Variants in ERBIN observed in about 807,000 individuals in gnomAD.
ERBIN encodes densin-180-like protein.
A neutral mutation model predicts 158.4 loss-of-function variants in ERBIN; 60 were observed. The observed-to-expected ratio is 0.38, with a 90% CI of 0.31 to 0.47. The LOEUF (loss-of-function observed/expected upper bound fraction) is 0.47. Among genes scored for constraint, ERBIN ranks in the 20% least tolerant of loss-of-function variants. ERBIN has a pLI of 0.99. For synonymous variants in ERBIN, 594 were observed against 557.2 expected, an observed-to-expected ratio of 1.07 and a Z score of -0.93; for missense variants, 1,610 against 1,648.0, an observed-to-expected ratio of 0.98 and a Z score of 0.40.
intron 1 of ERBIN, among the ~76,000 whole-genome samples, chr5:65,978,738 C>T (rs929200541): frequency 2.0e-5 from 3 of 152,148 alleles, no homozygotes; most frequent in Non-Finnish European, 4.4e-5. Context: ...AGGCAAAAAT[C>T]AAATAATTAA....
At chr5:65,992,217 T>A (rs1336540687) in intron 2 of ERBIN, among the ~76,000 whole-genome samples, 1 of 152,068 alleles carries the variant, frequency 6.6e-6, no homozygotes, top group Non-Finnish European at 1.5e-5. Flanking sequence ...TGGCGCGATC[T>A]CGGCTCACTG....
At chr5:65,936,215 G>A (rs2150856619) in intron 1 of ERBIN, among the ~76,000 whole-genome samples, 1 of 152,218 alleles carries the variant, frequency 6.6e-6, no homozygotes, top group Admixed American at 6.5e-5. Context: ...CAAGAAACTA[G>A]TGATCTAAAA....
chr5:65,947,199 A>G (rs1745872436), intron 1 of ERBIN, among the ~76,000 whole-genome samples: 2 of 151,870 alleles, frequency 1.3e-5, no homozygotes. Flanking sequence ...TCCCTTATGC[A>G]TTTTTCTGAA....
intron 22 of ERBIN, among the ~76,000 whole-genome samples, chr5:66,073,883 T>TTTG (rs1034165096): frequency 7.2e-5 from 11 of 152,074 alleles, no homozygotes; most frequent in Middle Eastern, 3.4e-3. Flanking sequence ...TAACCTCTTT[T>TTTG]TTGTTGTTGT....
intron 4 of ERBIN, among the ~76,000 whole-genome samples, chr5:65,995,846 A>G (rs1251656525): frequency 1.3e-5 from 2 of 152,028 alleles, no homozygotes; most frequent in African/African-American, 2.4e-5. Flanking sequence ...TTTAATTTGC[A>G]TTTCTCTGGT....
At chr5:66,071,118 C>T (rs1044664365) in intron 21 of ERBIN, among the ~76,000 whole-genome samples, 1 of 152,114 alleles carries the variant, frequency 6.6e-6, no homozygotes, top group Non-Finnish European at 1.5e-5. Context: ...CTTTGGGAGG[C>T]CGAGGCAGGA....
intron 1 of ERBIN, among the ~76,000 whole-genome samples, chr5:65,943,614 CA>C (rs1387680465): frequency 6.6e-6 from 1 of 152,182 alleles, no homozygotes; most frequent in Non-Finnish European, 1.5e-5. Flanking sequence ...ACTCAAGTAC[CA>C]TTATTTCCAC....
intron 4 of ERBIN, among the ~76,000 whole-genome samples, chr5:66,007,020 C>A (rs1753675850): frequency 6.7e-6 from 1 of 148,674 alleles, no homozygotes; most frequent in African/African-American, 2.6e-5. Flanking sequence ...ACCATTTGAC[C>A]CAGCAATCCC....
chr5:65,988,209 A>G (rs1471472940), intron 1 of ERBIN, among the ~76,000 whole-genome samples: 4 of 150,956 alleles, frequency 2.6e-5, no homozygotes. Context: ...TGTCTCTAAA[A>G]AAGTTTTTTT....
intron 1 of ERBIN, among the ~76,000 whole-genome samples, chr5:65,951,547 T>TC (rs1746503058): frequency 6.6e-6 from 1 of 152,206 alleles, no homozygotes; most frequent in Non-Finnish European, 1.5e-5. Context: ...AGTAGTAAAT[T>TC]CAGTAGGCTT....
intron 25 of ERBIN, 50 bp from the exon 26 acceptor site, chr5:66,078,373 A>G (rs750224963): frequency 6.8e-6 from 8 of 1,183,346 alleles, no homozygotes; most frequent in African/African-American, 6.4e-5. Context: ...GCAGAAATGC[A>G]AATAAATAAC....
intron 1 of ERBIN, among the ~76,000 whole-genome samples, chr5:65,987,539 G>GT (rs1751397399): frequency 6.6e-6 from 1 of 152,084 alleles, no homozygotes; most frequent in Admixed American, 6.5e-5. Context: ...TCCAGCCTGG[G>GT]TGACAGAGCA....
chr5:65,963,054 AT>A (rs1748092274), intron 1 of ERBIN, among the ~76,000 whole-genome samples: 2 of 152,216 alleles, frequency 1.3e-5, no homozygotes, highest in East Asian at 3.8e-4. Flanking sequence ...TCAGGTCATA[AT>A]TCCATTATTC....
chr5:66,056,846 GTA>G (rs1759634078), intron 21 of ERBIN, among the ~76,000 whole-genome samples: 1 of 106,588 alleles, frequency 9.4e-6, no homozygotes, highest in Non-Finnish European at 2.0e-5. Flanking sequence ...CTACACTGTA[GTA>G]TCTTCTAGCT....
chr5:65,977,204 C>T (rs1356637356), intron 1 of ERBIN, among the ~76,000 whole-genome samples: 1 of 145,846 alleles, frequency 6.9e-6, no homozygotes, highest in Non-Finnish European at 1.5e-5. Flanking sequence ...GCTGACCCCC[C>T]CCCACCTCCC....
Position 66,054,239 on chromosome 5 carries a change from C to T in ERBIN, c.2921C>T (p.Pro974Leu), listed in dbSNP as rs769015709. ...CAATCTGCACCTCAAATATATGGTC[C>T]TCCACAGTATAATATCCAATACAGT... The part of the protein sequence containing the change: ...GPQSAPQIYG[P>L]PQYNIQYSSS... Residue 974 changes from proline to leucine, a missense_variant, in exon 21 of 26, where the codon CCT becomes CTT. Pro to Leu is a moderately conservative substitution (Grantham distance 98). Coordinates refer to ENST00000284037, the MANE Select transcript of ERBIN (RefSeq NM_001253697.2). 1.2e-6 allele frequency: 2 copies of T among 1,613,944 alleles called. No individual in the cohort carries two copies. Among genetic ancestry groups the T allele is most frequent in the Non-Finnish European group, 1.7e-6 (2 of 1,180,004 alleles).
intron 4 of ERBIN, among the ~76,000 whole-genome samples, chr5:66,006,753 A>G (rs1753645664): frequency 6.6e-6 from 1 of 152,166 alleles, no homozygotes; most frequent in Non-Finnish European, 1.5e-5. Flanking sequence ...ACTTCTCAAA[A>G]GAAGACACTT....
chr5:65,937,645 A>T (rs1251961988), intron 1 of ERBIN, among the ~76,000 whole-genome samples: 1 of 152,226 alleles, frequency 6.6e-6, no homozygotes, highest in Non-Finnish European at 1.5e-5. Context: ...GCGGTGGCTC[A>T]TGCCTGTAAT....
At chr5:65,996,265 T>TA (rs1202005722) in intron 4 of ERBIN, among the ~76,000 whole-genome samples, 3 of 75,844 alleles carry the variant, frequency 4.0e-5, no homozygotes, top group Non-Finnish European at 9.8e-5. Flanking sequence ...TTTTTTTTTT[T>TA]AACAGTTTTG....
Sources: gnomAD v4.1 joint callset for allele counts (sites outside exome capture counted in the v4.1 genomes callset) on GRCh38, gnomAD v4.1.1 for gene constraint, MANE v1.5 for transcripts, NCBI Gene and HGNC (gene_info 2026-07-23, HGNC 2026-07-21) for gene names.